The following ADAM32 variants were observed in gnomAD, a reference collection of about 807,000 sequenced individuals.
ADAM32 encodes disintegrin and metalloproteinase domain-containing protein 32.
A neutral mutation model predicts 114.9 loss-of-function variants in ADAM32; 89 were observed. That is an observed-to-expected ratio of 0.77 (90% CI 0.65 to 0.92). ADAM32 has a LOEUF of 0.92. ADAM32 is among the 40% of genes least tolerant of loss of function. The pLI, the probability that ADAM32 is intolerant of heterozygous loss-of-function variation, is 0.00. For missense variants in ADAM32, 870 were observed against 932.8 expected, an observed-to-expected ratio of 0.93 and a Z score of 0.88; for synonymous variants, 285 against 307.5, an observed-to-expected ratio of 0.93 and a Z score of 0.77.
At chr8:39,276,745 T>G (rs142927309) in intron 22 of ADAM32, among the ~76,000 whole-genome samples, 254 of 152,334 alleles carry the variant, frequency 1.7e-3, no homozygotes, top group Non-Finnish European at 3.0e-3. Flanking sequence ...GTCATGAGTT[T>G]ATCTTTAAAA....
chr8:39,170,798 T>G (rs1043529983), intron 10 of ADAM32, among the ~76,000 whole-genome samples: 2 of 152,156 alleles, frequency 1.3e-5, no homozygotes, highest in African/African-American at 4.8e-5. Flanking sequence ...ATTTTTTTAT[T>G]GACACATAAT....
intron 11 of ADAM32, among the ~76,000 whole-genome samples, chr8:39,201,603 A>G (rs1807416604): frequency 6.6e-6 from 1 of 152,114 alleles, no homozygotes; most frequent in Non-Finnish European, 1.5e-5. Context: ...TCTTTTCCTA[A>G]TTGAATACCC....
At chr8:39,246,204 G>C (rs1310908010) in intron 17 of ADAM32, 38 bp downstream of exon 17, 1 of 1,585,438 alleles carries the variant, frequency 6.3e-7, no homozygotes, top group African/African-American at 1.4e-5. Flanking sequence ...ACATTTCTTG[G>C]ACACTTTTTT....
chr8:39,251,181 A>G (rs1190798475), intron 17 of ADAM32, among the ~76,000 whole-genome samples: 11 of 151,840 alleles, frequency 7.2e-5, no homozygotes. Context: ...TCTTTTGGTT[A>G]TTTACTCAGT....
intron 18 of ADAM32, among the ~76,000 whole-genome samples, chr8:39,256,247 C>A (rs1475316924): frequency 2.0e-5 from 3 of 152,068 alleles, no homozygotes; most frequent in African/African-American, 7.2e-5. Flanking sequence ...TTACTGATAT[C>A]ATTGACTTTA....
chr8:39,144,102 T>C (rs1427122582), intron 3 of ADAM32, among the ~76,000 whole-genome samples: 2 of 152,164 alleles, frequency 1.3e-5, no homozygotes, highest in East Asian at 3.9e-4. Flanking sequence ...GTCAGGAGTG[T>C]ACTGTTTCTC....
At chr8:39,216,434 G>T (rs1808572139) in intron 12 of ADAM32, among the ~76,000 whole-genome samples, 1 of 151,776 alleles carries the variant, frequency 6.6e-6, no homozygotes, top group Admixed American at 6.6e-5. Flanking sequence ...ACTTCCTCCT[G>T]CCCTTTTGTT....
At chr8:39,149,714 A>G (rs1803705712) in intron 4 of ADAM32, 77 bp from the exon 5 acceptor site, 4 of 1,032,598 alleles carry the variant, frequency 3.9e-6, no homozygotes, top group Non-Finnish European at 5.8e-6. Context: ...AGAAGGTTCT[A>G]TCAAGTATAG....
rs574778386 is a variant in ADAM32, at chr8:39,273,353, A to AAAATAAAT, written c.2202-943_2202-936dup. On this transcript the variant is annotated intron_variant, in intron 20 of 24. Transcript: ENST00000379907. ...AAACCCCGTCTCTACTAAAAATACA[A>AAAATAAAT]AAATAAATAAATAAATAAATAAAAT... is the stretch of plus-strand genomic sequence containing the variant. 8.3e-4 allele frequency among the ~76,000 whole-genome samples: 126 copies of AAAATAAAT among 152,004 alleles called. 1 individual carries two copies. The highest frequency in any genetic ancestry group is 3.0e-3 in the African/African-American group (123 of 41,392).
At chr8:39,271,556 T>A (rs1373439160) in intron 20 of ADAM32, among the ~76,000 whole-genome samples, 5 of 150,298 alleles carry the variant, frequency 3.3e-5, no homozygotes, top group Non-Finnish European at 7.4e-5. Context: ...AAAAAAATGC[T>A]TAGGATCCGC....
chr8:39,234,491 C>G (rs1192292307), intron 16 of ADAM32, among the ~76,000 whole-genome samples: 1 of 152,108 alleles, frequency 6.6e-6, no homozygotes, highest in Non-Finnish European at 1.5e-5. Flanking sequence ...TAGATAGAAT[C>G]AAATATTGTT....
At chr8:39,240,296 T>C (rs1303281994) in intron 16 of ADAM32, among the ~76,000 whole-genome samples, 1 of 152,158 alleles carries the variant, frequency 6.6e-6, no homozygotes, top group Admixed American at 6.5e-5. Context: ...TCCAAATACA[T>C]GGAAATTAAG....
chr8:39,183,227 T>C (rs917864777), intron 10 of ADAM32, among the ~76,000 whole-genome samples: 1 of 152,222 alleles, frequency 6.6e-6, no homozygotes, highest in Non-Finnish European at 1.5e-5. Context: ...CAAAGAATCA[T>C]GTGCTGATCA....
chr8:39,281,437 A>C (rs1347250698), intron 23 of ADAM32, among the ~76,000 whole-genome samples: 1 of 152,230 alleles, frequency 6.6e-6, no homozygotes, highest in African/African-American at 2.4e-5. Context: ...AATAAGAGAC[A>C]AATATTTATG....
At chr8:39,231,905 C>T in intron 14 of ADAM32, 122 bp from the exon 15 acceptor site, 1 of 795,394 alleles carries the variant, frequency 1.3e-6, no homozygotes, top group Non-Finnish European at 2.0e-6. Flanking sequence ...CTTACAACCT[C>T]ACTAGGAAAA....
chr8:39,211,498 T>G (rs1044099021), intron 12 of ADAM32, among the ~76,000 whole-genome samples, 174 bp downstream of exon 12: 3 of 152,212 alleles, frequency 2.0e-5, no homozygotes, highest in Admixed American at 6.5e-5. Flanking sequence ...GGTTGAAGAA[T>G]TTTGAACAAG....
At chr8:39,171,831 T>C (rs1805219995) in intron 10 of ADAM32, among the ~76,000 whole-genome samples, 1 of 151,138 alleles carries the variant, frequency 6.6e-6, no homozygotes. Context: ...TTGGTTCTTA[T>C]TTTTAATTTT....
At chr8:39,207,498 A>G (rs567614674) in intron 11 of ADAM32, among the ~76,000 whole-genome samples, 13 of 152,338 alleles carry the variant, frequency 8.5e-5, no homozygotes, top group Non-Finnish European at 1.6e-4. Flanking sequence ...TTGTATAATG[A>G]TGAAATTAGG....
chr8:39,273,843 G>A (rs1242266727), intron 20 of ADAM32, among the ~76,000 whole-genome samples: 1 of 152,060 alleles, frequency 6.6e-6, no homozygotes, highest in Non-Finnish European at 1.5e-5. Flanking sequence ...GGAATGGAAA[G>A]GGAAAATTGT....
Sources: gnomAD v4.1 joint callset for allele counts (sites outside exome capture counted in the v4.1 genomes callset) on GRCh38, gnomAD v4.1.1 for gene constraint, MANE v1.5 for transcripts, NCBI Gene and HGNC (gene_info 2026-07-23, HGNC 2026-07-21) for gene names.